The following TRIO variants were observed in gnomAD, a reference collection of about 807,000 sequenced individuals.
TRIO encodes the protein triple functional domain protein.
TRIO carries 58 observed loss-of-function variants against 351.9 expected under a neutral mutation model. The observed-to-expected ratio is 0.16, with a 90% CI of 0.13 to 0.21. The LOEUF (loss-of-function observed/expected upper bound fraction) is 0.21, where lower values mean the gene tolerates loss of function less well. Ranked by LOEUF, TRIO falls within the 10% of genes least tolerant of loss-of-function variation. The pLI, the probability that TRIO is intolerant of heterozygous loss-of-function variation, is 1.00. For synonymous variants in TRIO, 1,758 were observed against 1,595.7 expected, an observed-to-expected ratio of 1.10 and a Z score of -2.42; for missense variants, 3,201 against 4,027.8, an observed-to-expected ratio of 0.79 and a Z score of 5.56.
At chr5:14,323,928 G>A (rs547371884) in intron 9 of TRIO, among the ~76,000 whole-genome samples, 5 of 151,990 alleles carry the variant, frequency 3.3e-5, no homozygotes, top group South Asian at 2.1e-4. Flanking sequence ...CATTATCTAC[G>A]TGAAAGTCTT....
intron 7 of TRIO, among the ~76,000 whole-genome samples, chr5:14,302,128 G>GT (rs1316473751): frequency 1.8e-4 from 28 of 152,184 alleles, no homozygotes; most frequent in African/African-American, 5.8e-4. Flanking sequence ...CTTCTTGAAT[G>GT]TTTTTTCTTT....
chr5:14,215,747 C>T (rs553605890), intron 1 of TRIO, among the ~76,000 whole-genome samples: 4 of 152,126 alleles, frequency 2.6e-5, no homozygotes, highest in South Asian at 2.1e-4. Flanking sequence ...TCTCCAATGG[C>T]GTGGGTTAAG....
chr5:14,313,976 T>C (rs1739153985), intron 8 of TRIO, among the ~76,000 whole-genome samples: 1 of 152,226 alleles, frequency 6.6e-6, no homozygotes, highest in African/African-American at 2.4e-5. Flanking sequence ...CAAGTGGACT[T>C]TGGGGAAGCA....
At chr5:14,210,710 T>C (rs554760379) in intron 1 of TRIO, among the ~76,000 whole-genome samples, 1 of 152,222 alleles carries the variant, frequency 6.6e-6, no homozygotes, top group Non-Finnish European at 1.5e-5. Context: ...ATCACCCTTA[T>C]TTTTCCATCA....
intron 34 of TRIO, among the ~76,000 whole-genome samples, chr5:14,448,924 G>A (rs1752640322): frequency 6.6e-6 from 1 of 152,014 alleles, no homozygotes; most frequent in African/African-American, 2.4e-5. Flanking sequence ...AAAGCATACT[G>A]TTCATCTTCC....
intron 37 of TRIO, among the ~76,000 whole-genome samples, chr5:14,468,566 C>G (rs185728827): frequency 5.9e-4 from 90 of 152,346 alleles, no homozygotes; most frequent in African/African-American, 2.0e-3. Flanking sequence ...AAGCATCACC[C>G]TGTGTTGGTT....
chr5:14,370,449 C>G (rs1745005448), intron 18 of TRIO, among the ~76,000 whole-genome samples: 1 of 152,092 alleles, frequency 6.6e-6, no homozygotes, highest in Admixed American at 6.5e-5. Context: ...ACCACCCAGA[C>G]CCATTAAAAG....
intron 7 of TRIO, among the ~76,000 whole-genome samples, chr5:14,298,309 CAG>C (rs1011943009): frequency 2.6e-5 from 4 of 152,122 alleles, no homozygotes; most frequent in Admixed American, 6.5e-5. Context: ...GCTCATGACT[CAG>C]AGTTTATTAT....
chr5:14,399,103 A>G, intron 30 of TRIO, 33 bp downstream of exon 30: 1 of 1,586,590 alleles, frequency 6.3e-7, no homozygotes, highest in Non-Finnish European at 8.7e-7. Flanking sequence ...GTAAGTCTAA[A>G]GGTAACACAA....
chr5:14,374,999 GA>G (rs934534969), intron 19 of TRIO, among the ~76,000 whole-genome samples: 51 of 151,908 alleles, frequency 3.4e-4, no homozygotes, highest in Middle Eastern at 3.4e-3. Flanking sequence ...AGTTTTATAG[GA>G]AAAAAAATTG....
chr5:14,296,420 C>T (rs981437271), intron 6 of TRIO, among the ~76,000 whole-genome samples: 14 of 152,144 alleles, frequency 9.2e-5, no homozygotes, highest in African/African-American at 3.4e-4. Context: ...TTTTTAAAAT[C>T]CCTATTTTTG....
chr5:14,360,566 C>A (rs961119695), intron 13 of TRIO, among the ~76,000 whole-genome samples: 2 of 152,244 alleles, frequency 1.3e-5, no homozygotes, highest in Admixed American at 6.5e-5. Context: ...GTTTAGAATT[C>A]ATCAGCAGTC....
rs180870286 is a variant in TRIO, at chr5:14,297,376, G to A, written c.1368+113G>A. Reference sequence around the variant, plus strand: ...GTAGCACATACTGTGAGCTCCGCATGTGAGCTCTGAAGTCACTTGGCCCTG... The same window carrying A: ...GTAGCACATACTGTGAGCTCCGCATATGAGCTCTGAAGTCACTTGGCCCTG... On this transcript the variant is annotated intron_variant, in intron 7 of 56. Transcript: ENST00000344204. 5.2e-5 allele frequency: 65 copies of A among 1,261,740 alleles called. No homozygotes were observed. In the African/African-American group the frequency reaches 8.7e-4, roughly 17 times the overall value. The allele number at this position is 1,261,740 out of a possible 1,614,324, so 78.2% of individuals were successfully genotyped here.
intron 46 of TRIO, among the ~76,000 whole-genome samples, chr5:14,484,287 T>A (rs1009156250): frequency 8.5e-5 from 13 of 152,242 alleles, no homozygotes; most frequent in Admixed American, 6.5e-5. Context: ...TTTAGTGATA[T>A]TTGAGATTTG....
chr5:14,296,740 C>A lies in TRIO; in HGVS notation c.1177-332C>A, dbSNP rs138951000. On this transcript the variant is annotated intron_variant, in intron 6 of 56. Coordinates refer to ENST00000344204, the MANE Select transcript of TRIO (RefSeq NM_007118.4). Reference sequence around the variant, plus strand: ...CTGGCAGCAGGCTTGCCATCTGGACCCTGTTCAGTATTTGAAGCCAAGAAG... The same window carrying A: ...CTGGCAGCAGGCTTGCCATCTGGACACTGTTCAGTATTTGAAGCCAAGAAG... Among the ~76,000 whole-genome samples the A allele has an allele frequency of 1.6e-4, 25 of 152,226 alleles. No homozygotes were observed. In the East Asian group the frequency reaches 4.6e-3, roughly 28 times the overall value.
At chr5:14,460,883 C>T (rs1753729862) in intron 34 of TRIO, 136 bp from the exon 35 acceptor site, 2 of 1,020,350 alleles carry the variant, frequency 2.0e-6, no homozygotes, top group African/African-American at 1.6e-5. Context: ...CCTGTCATCT[C>T]ACACCCCGTA....
chr5:14,244,222 T>G (rs1329854801), intron 1 of TRIO, among the ~76,000 whole-genome samples: 1 of 152,260 alleles, frequency 6.6e-6, no homozygotes, highest in Non-Finnish European at 1.5e-5. Context: ...TACAATGTTG[T>G]ATTATATTTT....
In TRIO at chr5:14,265,179, G is replaced by C. The variant is rs542291616; in HGVS notation, c.158-5646G>C. On this transcript the variant is annotated intron_variant, in intron 1 of 56. Transcript: ENST00000344204. ...GCTGACAGGCAAATGAAACCCCTGA[G>C]AATGGGTGAGGAGCACAGCTTGTCT... Among the ~76,000 whole-genome samples the C allele has an allele frequency of 1.0e-3, 158 of 151,084 alleles. 1 individual carries two copies. The highest frequency in any genetic ancestry group is 3.7e-3 in the African/African-American group (151 of 41,046).
chr5:14,190,213 C>G (rs1204682435), intron 1 of TRIO, among the ~76,000 whole-genome samples: 1 of 152,130 alleles, frequency 6.6e-6, no homozygotes, highest in African/African-American at 2.4e-5. Flanking sequence ...TCCCCACTGG[C>G]CACTGCTTGT....
Sources: allele counts gnomAD v4.1 joint callset (sites outside exome capture counted in the v4.1 genomes callset), GRCh38; gene constraint gnomAD v4.1.1; transcripts MANE v1.5; gene names NCBI Gene and HGNC (gene_info 2026-07-23, HGNC 2026-07-21).